Variants in CARS1 observed in about 807,000 individuals in gnomAD.
The protein encoded by CARS1 is cysteinyl-tRNA synthetase 1.
In CARS1, 48 loss-of-function variants were observed where a neutral mutation model predicts 106.2. That is an observed-to-expected ratio of 0.45 (90% CI 0.36 to 0.57). The LOEUF (loss-of-function observed/expected upper bound fraction) is 0.57. Ranked by LOEUF, CARS1 falls within the 20% of genes least tolerant of loss-of-function variation. The pLI is 0.00. For synonymous variants in CARS1, 409 were observed against 403.4 expected (o/e 1.01, Z -0.17); for missense variants, 968 against 1,057.2 (o/e 0.92, Z 1.17).
In CARS1 at chr11:3,027,080, G is replaced by A. The variant is rs111522230; in HGVS notation, c.1032-283C>T. On this transcript the variant is annotated intron_variant, in intron 9 of 22. Coordinates refer to ENST00000380525, the MANE Select transcript of CARS1 (RefSeq NM_001014437.3). ...CCCTGCCTTGCTCAGGGCTGCTGCC[G>A]TCCTCATTCTTGTGTGGCCTCACCT... is the stretch of plus-strand genomic sequence containing the variant. 8.0e-3 allele frequency: 2,530 copies of A among 317,846 alleles called. 60 individuals are homozygous for A. The highest frequency in any genetic ancestry group is 0.05 in the African/African-American group (2,301 of 46,330). 19.7% of individuals were successfully genotyped at this position (317,846 alleles called of 1,614,324 possible). A position where few individuals can be genotyped will look rare whatever the true frequency, so the allele number is the denominator to read the frequency against.
chr11:3,033,517 T>TA lies in CARS1; in HGVS notation c.802-4075dup, dbSNP rs1259110274. Among the ~76,000 whole-genome samples, 4 of 152,322 alleles carry TA rather than the reference T, an allele frequency of 2.6e-5. No homozygotes were observed. In the East Asian group the frequency reaches 7.7e-4, roughly 29 times the overall value. On this transcript the variant is annotated intron_variant, in intron 7 of 22. Transcript: ENST00000380525. The stretch of plus-strand genomic sequence containing the variant: ...AATTACTTCTAGATAATTCCTGGGC[T>TA]AAAAAATCCAAAATGGAAATTAGAA...
rs1287922894 is a variant in CARS1 at position 3,039,411 on chromosome 11, T to C, written c.553-119A>G. On this transcript the variant is annotated intron_variant, in intron 5 of 22. Transcript: ENST00000380525. This position sits in a 1 kb window ranked among gnomAD's most constrained non-coding sequence, Gnocchi z 5.6. ...GAGGGTGAGGGTGGTGGGAGACAAC[T>C]GTGGGCCCCGGACGTGCACACCATC... 6 of 664,852 alleles carry C rather than the reference T, an allele frequency of 9.0e-6. No individual in the cohort carries two copies. Among genetic ancestry groups the C allele is most frequent in the Non-Finnish European group, 1.6e-5 (6 of 369,080 alleles). 41.2% of individuals were successfully genotyped at this position (664,852 alleles called of 1,614,324 possible). A position where few individuals can be genotyped will look rare whatever the true frequency, so the allele number is the denominator to read the frequency against.
chr11:3,041,826 C>A lies in CARS1; in HGVS notation c.366+339G>T, dbSNP rs1854497962. ...CTCATACAGTGCCACCTGCTGCAAC[C>A]ACGCGTCCTCCTGAAAGGCGTGGCT... On this transcript the variant is annotated intron_variant, in intron 3 of 22. Coordinates refer to ENST00000380525, the MANE Select transcript of CARS1 (RefSeq NM_001014437.3). The surrounding 1 kb of genome is among the most constrained non-coding windows in gnomAD (Gnocchi z 4.9). 6.6e-6 allele frequency among the ~76,000 whole-genome samples: 1 copy of A among 152,194 alleles called. No homozygotes were observed. Among genetic ancestry groups the A allele is most frequent in the Admixed American group, 6.5e-5 (1 of 15,280 alleles).
At position 3,039,788 on chromosome 11, in the gene CARS1, A is replaced by T; in HGVS notation, c.552+47T>A. ...TTATGCGAAAGTTCTATCTTCTTTT[A>T]CACCATCCAATTGCATTTAAAATTT... On this transcript the variant is annotated intron_variant, in intron 5 of 22. Coordinates refer to ENST00000380525, the MANE Select transcript of CARS1 (RefSeq NM_001014437.3). The surrounding 1 kb of genome is among the most constrained non-coding windows in gnomAD (Gnocchi z 5.6). 1 of 965,308 alleles carries T rather than the reference A, an allele frequency of 1.0e-6. No individual in the cohort carries two copies. Among genetic ancestry groups the T allele is most frequent in the Non-Finnish European group, 1.6e-6 (1 of 630,124 alleles). The allele number at this position is 965,308 out of a possible 1,614,324, so 59.8% of individuals were successfully genotyped here.
rs1016170684 is a variant in CARS1, at chr11:3,008,416, C to G, written c.2069-1457G>C. ...CGGGTGGATCACAAGGTCAGGAGAT[C>G]GAGACCATCCTGGCCAACATGGTGA... On this transcript the variant is annotated intron_variant, in intron 18 of 22. Transcript: ENST00000380525. This position sits in a 1 kb window ranked among gnomAD's most constrained non-coding sequence, Gnocchi z 5.1. 2.6e-5 allele frequency: 4 copies of G among 152,080 alleles called. No individual in the cohort carries two copies. Among genetic ancestry groups the G allele is most frequent in the Admixed American group, 6.6e-5 (1 of 15,254 alleles). The allele number at this position is 152,080 out of a possible 1,614,324, so 9.4% of individuals were successfully genotyped here. A position where few individuals can be genotyped will look rare whatever the true frequency, so the allele number is the denominator to read the frequency against.
Position 3,015,808 on chromosome 11 carries a change from C to T in CARS1, c.1959G>A (p.Pro653=), listed in dbSNP as rs1344625326. The T allele has an allele frequency of 5.6e-6, 9 of 1,614,028 alleles. No individual in the cohort carries two copies. The highest frequency in any genetic ancestry group is 2.2e-5 in the East Asian group (1 of 44,882). Residue 653 remains proline, a synonymous_variant, in exon 17 of 23, where the codon CCG becomes CCA. Transcript: ENST00000380525. ...TGAGGCTGGTTCCAGGCCCTCCGAC[C>T]GGGAATCCCAGGGAGCTGTCCTCTT... ...AVEEDSSLGF[P]VGGPGTSLSL...
intron 17 of CARS1, among the ~76,000 whole-genome samples, chr11:3,013,008 GC>G (rs937833320): frequency 6.7e-6 from 1 of 148,356 alleles, no homozygotes; most frequent in African/African-American, 2.5e-5. Flanking sequence ...ACCTGCCTCA[GC>G]CTCCCGAGTA....
chr11:3,015,704 G>T (rs1173173734), intron 17 of CARS1, 77 bp downstream of exon 17: 2 of 1,270,024 alleles, frequency 1.6e-6, no homozygotes, highest in Admixed American at 3.4e-5. Context: ...CAGAGGAGGG[G>T]CAGTTCAGAG....
chr11:3,008,662 CGCTCATAA>C lies in CARS1; in HGVS notation c.2069-1711_2069-1704del, dbSNP rs1850143784. 1 of 152,034 alleles carries C rather than the reference CGCTCATAA, an allele frequency of 6.6e-6. No homozygotes were observed. Among genetic ancestry groups the C allele is most frequent in the Admixed American group, 6.6e-5 (1 of 15,252 alleles). The allele number at this position is 152,034 out of a possible 1,614,324, so 9.4% of individuals were successfully genotyped here. A position where few individuals can be genotyped will look rare whatever the true frequency, so the allele number is the denominator to read the frequency against. On this transcript the variant is annotated intron_variant, in intron 18 of 22. Coordinates refer to ENST00000380525, the MANE Select transcript of CARS1 (RefSeq NM_001014437.3). The surrounding 1 kb of genome is among the most constrained non-coding windows in gnomAD (Gnocchi z 5.1). ...TGCATATCCTTGGGCTTCAAGGCCG[CGCTCATAA>C]GCACAGCCACTTTGGGCAGCTTCCG... is the stretch of plus-strand genomic sequence containing the variant.
At chr11:3,032,126 G>A (rs1043054791) in intron 7 of CARS1, among the ~76,000 whole-genome samples, 2 of 148,462 alleles carry the variant, frequency 1.3e-5, no homozygotes, top group Admixed American at 1.4e-4. Context: ...AGGCTGGAGT[G>A]CAGTAGTGCA....
chr11:3,057,003 C>T (rs930163511), intron 1 of CARS1, among the ~76,000 whole-genome samples: 1 of 152,170 alleles, frequency 6.6e-6, no homozygotes, highest in African/African-American at 2.4e-5. Flanking sequence ...GTCCCAGTGG[C>T]CGTCCCTCGG....
At chr11:3,013,138 T>C (rs1850654867) in intron 17 of CARS1, among the ~76,000 whole-genome samples, 1 of 151,860 alleles carries the variant, frequency 6.6e-6, no homozygotes, top group Non-Finnish European at 1.5e-5. Flanking sequence ...TCTGCCCGCC[T>C]TGGCCTCCCA....
Position 3,018,659 on chromosome 11 carries a change from T to A in CARS1, c.1486A>T (p.Asn496Tyr). 6.2e-7 allele frequency: 1 copy of A among 1,614,200 alleles called. No homozygotes were observed. Among genetic ancestry groups the A allele is most frequent in the East Asian group, 2.2e-5 (1 of 44,890 alleles). Residue 496 changes from asparagine to tyrosine, a missense_variant, in exon 13 of 23, where the codon AAC becomes TAC. Transcript: ENST00000380525. ...AGCKMSKSLK[N>Y]FITIKDALKK... ...AAGGCATCTTTAATGGTGATGAAGT[T>A]TTTTAGTGACTTTGACATTTTGCAG...
At position 3,029,092 on chromosome 11, in the gene CARS1, A is replaced by T. The variant is rs1852419086; in HGVS notation, c.943-8T>A. On this transcript the variant is annotated splice_polypyrimidine_tract_variant and splice_region_variant and intron_variant, in intron 8 of 22. Coordinates refer to ENST00000380525, the MANE Select transcript of CARS1 (RefSeq NM_001014437.3). This position sits in a 1 kb window ranked among gnomAD's most constrained non-coding sequence, Gnocchi z 5.9. The stretch of plus-strand genomic sequence containing the variant: ...GACATCTGGAGGGAGAACCTGTGCA[A>T]GACATGAGAATGTCCTGGGATTTTC... The T allele has an allele frequency of 1.9e-6, 3 of 1,600,120 alleles. No individual in the cohort carries two copies. The highest frequency in any genetic ancestry group is 2.6e-6 in the Non-Finnish European group (3 of 1,167,338).
intron 1 of CARS1, among the ~76,000 whole-genome samples, chr11:3,056,742 T>C (rs114586353): frequency 1.4e-3 from 208 of 152,206 alleles, no homozygotes; most frequent in African/African-American, 4.8e-3. Flanking sequence ...AAAACAACCC[T>C]TGGGCCTTTG....
intron 22 of CARS1, 119 bp downstream of exon 22, chr11:3,001,851 G>T: frequency 2.3e-6 from 2 of 855,240 alleles, no homozygotes; most frequent in South Asian, 1.4e-5. Context: ...TGTCAGATTT[G>T]ATTCCAAATT....
intron 2 of CARS1, among the ~76,000 whole-genome samples, chr11:3,042,802 T>C (rs1040381500): frequency 2.0e-5 from 3 of 152,200 alleles, no homozygotes; most frequent in African/African-American, 7.2e-5. Context: ...TTGAGGACTC[T>C]TGTTGGGACA....
In CARS1 at chr11:3,046,125, A is replaced by G. The variant is rs925942391; in HGVS notation, c.274+1628T>C. Reference sequence around the variant, plus strand: ...CACAGCAACTCCATTAGTGCTATCCATGGTCCATTCTGTTACACAGCAACG... The same window carrying G: ...CACAGCAACTCCATTAGTGCTATCCGTGGTCCATTCTGTTACACAGCAACG... On this transcript the variant is annotated intron_variant, in intron 2 of 22. Transcript: ENST00000380525. The surrounding 1 kb of genome is among the most constrained non-coding windows in gnomAD (Gnocchi z 5.8). 6.6e-6 allele frequency among the ~76,000 whole-genome samples: 1 copy of G among 152,220 alleles called. No individual in the cohort carries two copies. Among genetic ancestry groups the G allele is most frequent in the Non-Finnish European group, 1.5e-5 (1 of 68,026 alleles).
chr11:3,002,379 G>C (rs1849472536), intron 21 of CARS1, 162 bp downstream of exon 21: 4 of 1,353,196 alleles, frequency 3.0e-6, no homozygotes, highest in Non-Finnish European at 4.0e-6. Context: ...ATGTGAGAAG[G>C]GCCTGGCAGG....
Sources: gnomAD v4.1 joint callset for allele counts (sites outside exome capture counted in the v4.1 genomes callset) on GRCh38, gnomAD v4.1.1 for gene constraint, Gnocchi (gnomAD v3.1) non-coding constraint, MANE v1.5 for transcripts, NCBI Gene and HGNC (gene_info 2026-07-23, HGNC 2026-07-21) for gene names.